Variants in AJUBA observed in about 807,000 individuals in gnomAD.
AJUBA encodes LIM domain-containing protein ajuba.
Under a neutral mutation model 53.3 loss-of-function variants are expected in AJUBA, and 20 were observed. That is an observed-to-expected ratio of 0.38 (90% CI 0.26 to 0.55). AJUBA has a LOEUF of 0.55. AJUBA is among the 20% of genes least tolerant of loss of function. The pLI is 0.80. For synonymous variants in AJUBA, 296 were observed against 306.2 expected, an observed-to-expected ratio of 0.97 and a Z score of 0.35; for missense variants, 580 against 730.5, an observed-to-expected ratio of 0.79 and a Z score of 2.38.
chr14:22,977,172 A>G, intron 2 of AJUBA: 1 of 992,866 alleles, frequency 1.0e-6, no homozygotes, highest in Non-Finnish European at 1.2e-6. Flanking sequence ...CCTGCTCTCA[A>G]ATGCCTGTCT....
rs1230598156 is a variant in AJUBA, at chr14:22,981,923, G to A, written c.344C>T (p.Ala115Val). The stretch of plus-strand genomic sequence containing the variant: ...GCTAGAGCGGGGGCTGAGGGCCGGG[G>A]CCGTGGGCTCCAGCCGAAAATCGGG... Reference protein sequence around the residue: ...LPPDFRLEPTAPALSPRSSFA... With the variant: ...LPPDFRLEPTVPALSPRSSFA... The change falls in exon 1 of 8, where the codon GCC becomes GTC. Residue 115 changes from alanine (A) to valine (V), a missense_variant. By Grantham distance (64) the Ala-to-Val change is moderately conservative (BLOSUM62 0). Around this residue, in one of 2 missense-constraint regions of AJUBA, gnomAD observed 430 missense variants for 471.5 expected, o/e 0.91. Transcript: ENST00000262713. The A allele has an allele frequency of 6.4e-7, 1 of 1,556,670 alleles. No individual in the cohort carries two copies. The highest frequency in any genetic ancestry group is 2.3e-5 in the East Asian group (1 of 43,028).
In AJUBA at chr14:22,979,316, A is replaced by G. The variant is rs554960556; in HGVS notation, c.1007-871T>C. On this transcript the variant is annotated intron_variant, in intron 1 of 7. Transcript: ENST00000262713. The surrounding 1 kb of genome is among the most constrained non-coding windows in gnomAD (Gnocchi z 4.0). ...GCCTGTCTTTGGGGAGCAGATCCCA[A>G]CGGGCCTGCCCCACCTCTCCCCCTC... is the stretch of plus-strand genomic sequence containing the variant. Among the ~76,000 whole-genome samples the G allele has an allele frequency of 1.5e-4, 23 of 152,082 alleles. No homozygotes were observed. The highest frequency in any genetic ancestry group is 4.1e-4 in the African/African-American group (17 of 41,496).
chr14:22,978,244 C>A (rs887529078), intron 2 of AJUBA, 100 bp downstream of exon 2: 48 of 1,161,086 alleles, frequency 4.1e-5, no homozygotes, highest in Non-Finnish European at 5.8e-5. Context: ...GCTCTGTGAG[C>A]AAATGAAGAG....
rs1323544014 is a variant in AJUBA, at chr14:22,974,130, C to A, written c.1423-15G>T. 11 of 1,613,854 alleles carry A rather than the reference C, an allele frequency of 6.8e-6. No homozygotes were observed. Among genetic ancestry groups the A allele is most frequent in the African/African-American group, 1.3e-5 (1 of 74,900 alleles). On this transcript the variant is annotated splice_polypyrimidine_tract_variant and intron_variant, in intron 6 of 7. Coordinates refer to ENST00000262713, the MANE Select transcript of AJUBA (RefSeq NM_032876.6). ...TCCTCACAGCCCTGAAACATGCAGA[C>A]CCCCATGGAGATGAGAGCAGCATGT...
rs896109274 is a variant in AJUBA, at chr14:22,979,346, C to G, written c.1007-901G>C. Among the ~76,000 whole-genome samples, 3 of 152,224 alleles carry G rather than the reference C, an allele frequency of 2.0e-5. No individual in the cohort carries two copies. Among genetic ancestry groups the G allele is most frequent in the Non-Finnish European group, 4.4e-5 (3 of 68,038 alleles). On this transcript the variant is annotated intron_variant, in intron 1 of 7. Coordinates refer to ENST00000262713, the MANE Select transcript of AJUBA (RefSeq NM_032876.6). This position sits in a 1 kb window ranked among gnomAD's most constrained non-coding sequence, Gnocchi z 4.0. ...CCTGCCCCACCTCTCCCCCTCGGCA[C>G]GCTGCCACACTCCCTGCCTGTTGGG...
chr14:22,974,053 G>A lies in AJUBA; in HGVS notation c.1485C>T (p.His495=). The part of the protein sequence containing the change: ...MDRDYHFECY[H]CEDCRMQLSD... The stretch of plus-strand genomic sequence containing the variant: ...GCTGAACCCCAACACTCACCTCACA[G>A]TGGTAGCACTCAAAGTGATAATCCC... The change falls in exon 7 of 8, where the codon CAC becomes CAT. Residue 495 remains histidine, a synonymous_variant. Transcript: ENST00000262713. 6.2e-7 allele frequency: 1 copy of A among 1,614,070 alleles called. No homozygotes were observed. The highest frequency in any genetic ancestry group is 8.5e-7 in the Non-Finnish European group (1 of 1,180,004).
rs2045002030 is a variant in AJUBA at position 22,973,328 on chromosome 14, A to G, written c.*115T>C. 2.1e-6 allele frequency: 3 copies of G among 1,443,802 alleles called. No homozygotes were observed. Among genetic ancestry groups the G allele is most frequent in the Non-Finnish European group, 2.8e-6 (3 of 1,067,418 alleles). 89.4% of individuals were successfully genotyped at this position (1,443,802 alleles called of 1,614,324 possible). ...GTCTCCGGCCCTTGGGGTCCTCCCC[A>G]GAGGACTCTTCTGCCAGGCCTGCAG... is the stretch of plus-strand genomic sequence containing the variant. On this transcript the variant is annotated 3_prime_UTR_variant, in exon 8 of 8. Coordinates refer to ENST00000262713, the MANE Select transcript of AJUBA (RefSeq NM_032876.6).
At position 22,976,727 on chromosome 14, in the gene AJUBA, G is replaced by C; in HGVS notation, c.1109-15C>G. The C allele has an allele frequency of 6.2e-7, 1 of 1,613,460 alleles. No individual in the cohort carries two copies. Among genetic ancestry groups the C allele is most frequent in the Non-Finnish European group, 8.5e-7 (1 of 1,179,808 alleles). On this transcript the variant is annotated splice_polypyrimidine_tract_variant and intron_variant, in intron 2 of 7. Coordinates refer to ENST00000262713, the MANE Select transcript of AJUBA (RefSeq NM_032876.6). The stretch of plus-strand genomic sequence containing the variant: ...CAAAGTTCGCCCTAGAAACAATAGA[G>C]AAGGGGCTGGAACCTATCCCACAGC...
intron 4 of AJUBA, chr14:22,975,342 G>A: frequency 2.1e-6 from 1 of 480,868 alleles, no homozygotes; most frequent in Middle Eastern, 5.4e-4. Context: ...CACCTAGGCA[G>A]CTTTTAAAAA....
rs1486843879 is a variant in AJUBA, at chr14:22,971,361, T to C, written c.*2082A>G. 1 of 152,214 alleles carries C rather than the reference T, an allele frequency of 6.6e-6. No homozygotes were observed. The highest frequency in any genetic ancestry group is 1.5e-5 in the Non-Finnish European group (1 of 68,030). The allele number at this position is 152,214 out of a possible 1,614,324, so 9.4% of individuals were successfully genotyped here. On this transcript the variant is annotated 3_prime_UTR_variant, in exon 8 of 8. Coordinates refer to ENST00000262713, the MANE Select transcript of AJUBA (RefSeq NM_032876.6). ...TTCCCTCTCACTCAGAGATCTCTTT[T>C]ATGTATTTCCCAGGTTGGCTGGCAT...
intron 2 of AJUBA, 134 bp from the exon 3 acceptor site, chr14:22,976,846 C>T (rs1163421392): frequency 1.4e-6 from 2 of 1,450,002 alleles, no homozygotes; most frequent in Non-Finnish European, 1.8e-6. Flanking sequence ...GCTGTCTGTC[C>T]TTCCCCGCAC....
At chr14:22,974,792 A>G (rs1009956245) in intron 6 of AJUBA, 47 bp downstream of exon 6, 16 of 1,584,638 alleles carry the variant, frequency 1.0e-5, no homozygotes, top group Middle Eastern at 2.3e-4. Flanking sequence ...CCCCTCCCCA[A>G]AGGCAGTGGC....
Position 22,974,112 on chromosome 14 carries a change from A to G in AJUBA, c.1426T>C (p.Cys476Arg), listed in dbSNP as rs766763291. 14 of 1,614,036 alleles carry G rather than the reference A, an allele frequency of 8.7e-6. No individual in the cohort carries two copies. The highest frequency in any genetic ancestry group is 1.2e-5 in the Non-Finnish European group (14 of 1,180,022). Residue 476 changes from cysteine to arginine, a missense_variant, in exon 7 of 8, where the codon TGT becomes CGT. Coordinates refer to ENST00000262713, the MANE Select transcript of AJUBA (RefSeq NM_032876.6). ...CGQPILPSEG[C>R]EDIVRVISMD... ...GATATCACCCTCACGATGTCCTCAC[A>G]GCCCTGAAACATGCAGACCCCCATG...
rs1566657539 is a variant in AJUBA at position 22,981,315 on chromosome 14, G to A, written c.952C>T (p.Pro318Ser). Reference protein sequence around the residue: ...GLEEPPGPFVPEAARARMREP... With the variant: ...GLEEPPGPFVSEAARARMREP... ...CGCATCCGGGCCCGGGCGGCCTCCGGAACGAAAGGACCTGGTGGCTCCTCC... is the reference window on the plus strand; with the variant it reads ...CGCATCCGGGCCCGGGCGGCCTCCGAAACGAAAGGACCTGGTGGCTCCTCC... Residue 318 changes from proline to serine, a missense_variant, in exon 1 of 8, where the codon CCG (proline) becomes TCG (serine). By Grantham distance (74) the Pro-to-Ser change is moderately conservative. This residue lies in a region of AJUBA where 430 missense variants were observed against 471.5 expected (regional missense o/e 0.91). Transcript: ENST00000262713. 4 of 1,612,008 alleles carry A rather than the reference G, an allele frequency of 2.5e-6. No individual in the cohort carries two copies. Among genetic ancestry groups the A allele is most frequent in the Non-Finnish European group, 2.5e-6 (3 of 1,178,724 alleles).
At chr14:22,977,377 A>C in intron 2 of AJUBA, 2 of 194,872 alleles carry the variant, frequency 1.0e-5, no homozygotes, top group Non-Finnish European at 1.9e-5. Context: ...ACAATTCCCC[A>C]TGTGACCAAC....
intron 2 of AJUBA, 124 bp from the exon 3 acceptor site, chr14:22,976,836 GCTGT>G: frequency 6.8e-7 from 1 of 1,472,182 alleles, no homozygotes; most frequent in East Asian, 2.3e-5. Context: ...CCTCCTAACT[GCTGT>G]CTGTCCTTCC....
At chr14:22,978,261 G>A (rs1179292870) in intron 2 of AJUBA, 83 bp downstream of exon 2, 1 of 1,328,368 alleles carries the variant, frequency 7.5e-7, no homozygotes, top group Admixed American at 1.8e-5. Context: ...AGAGGCACAA[G>A]CTCTCCTCCT....
rs533463291 is a variant in AJUBA, at chr14:22,978,015, T to G, written c.1108+329A>C. Reference sequence around the variant, plus strand: ...TCACTGTCGCCCCAGGCAACTTGGCTGCCCAAGACCAAGCCCCACCAAGAA... The same window carrying G: ...TCACTGTCGCCCCAGGCAACTTGGCGGCCCAAGACCAAGCCCCACCAAGAA... On this transcript the variant is annotated intron_variant, in intron 2 of 7. Transcript: ENST00000262713. Among the ~76,000 whole-genome samples the G allele has an allele frequency of 4.0e-5, 6 of 148,306 alleles. No individual in the cohort carries two copies. The East Asian group carries it at 8.0e-4, about 20-fold the overall frequency.
Position 22,973,303 on chromosome 14 carries a change from G to T in AJUBA, c.*140C>A. 1.6e-6 allele frequency: 2 copies of T among 1,242,578 alleles called. No individual in the cohort carries two copies. Among genetic ancestry groups the T allele is most frequent in the Non-Finnish European group, 2.2e-6 (2 of 908,190 alleles). The allele number at this position is 1,242,578 out of a possible 1,614,324, so 77.0% of individuals were successfully genotyped here. On this transcript the variant is annotated 3_prime_UTR_variant, in exon 8 of 8. Transcript: ENST00000262713. ...CCATTTGGAATATCATGATCTTTGG[G>T]TCTCCGGCCCTTGGGGTCCTCCCCA...
Sources: gnomAD v4.1 joint callset for allele counts (sites outside exome capture counted in the v4.1 genomes callset) on GRCh38, gnomAD v4.1.1 for gene constraint, gnomAD v4.1.1 regional missense constraint, Gnocchi (gnomAD v3.1) non-coding constraint, MANE v1.5 for transcripts, NCBI Gene and HGNC (gene_info 2026-07-23, HGNC 2026-07-21) for gene names.